PKP1: variants seen among roughly 807,000 people sequenced by gnomAD.
PKP1 encodes the protein plakophilin-1.
Under a neutral mutation model 76.4 loss-of-function variants are expected in PKP1, and 27 were observed. That is an observed-to-expected ratio of 0.35 (90% confidence interval 0.26 to 0.49). The LOEUF (loss-of-function observed/expected upper bound fraction) is 0.49. Ranked by LOEUF, PKP1 falls within the 20% of genes least tolerant of loss-of-function variation. The pLI is 0.99. For synonymous variants in PKP1, 404 were observed against 384.2 expected (o/e 1.05, Z -0.60); for missense variants, 964 against 955.2 (o/e 1.01, Z -0.12).
At chr1:201,310,033 C>G (rs1656494510) in intron 2 of PKP1, among the ~76,000 whole-genome samples, 1 of 152,196 alleles carries the variant, frequency 6.6e-6, no homozygotes, top group African/African-American at 2.4e-5. Context: ...GCACGGGGCT[C>G]TGATACTGGT....
chr1:201,318,786 G>C lies in PKP1; in HGVS notation c.1223G>C (p.Gly408Ala). 1 of 1,602,428 alleles carries C rather than the reference G, an allele frequency of 6.2e-7. No individual in the cohort carries two copies. The highest frequency in any genetic ancestry group is 8.5e-7 in the Non-Finnish European group (1 of 1,175,096). ...CCTGAGGTCTTCTTCAATGCCACAG[G>C]CTGCTTGAGGTGAGAGAAGAGGATA... ...VDPEVFFNATGCLRNLSSADA... is the reference protein window; with the variant it reads ...VDPEVFFNATACLRNLSSADA... Residue 408 changes from glycine to alanine, a missense_variant, in exon 6 of 14, where the codon GGC becomes GCC. Transcript: ENST00000367324.
chr1:201,317,215 T>C (rs2102177773), intron 4 of PKP1, among the ~76,000 whole-genome samples: 1 of 152,310 alleles, frequency 6.6e-6, no homozygotes, highest in Non-Finnish European at 1.5e-5. Context: ...CATTTCTATG[T>C]CTGTGTTCTG....
chr1:201,303,039 T>C (rs913462004), intron 2 of PKP1, among the ~76,000 whole-genome samples: 3 of 152,250 alleles, frequency 2.0e-5, no homozygotes, highest in African/African-American at 7.2e-5. Context: ...TGGCACATCA[T>C]GGTACTTTTG....
intron 1 of PKP1, among the ~76,000 whole-genome samples, chr1:201,293,304 C>G (rs860554): frequency 2.0e-5 from 3 of 152,124 alleles, no homozygotes; most frequent in Non-Finnish European, 4.4e-5. Flanking sequence ...TAATGACACT[C>G]TGTCCTCCTG....
Position 201,328,642 on chromosome 1 carries a change from A to G in PKP1, c.2107-120A>G, listed in dbSNP as rs1218411237. 4 of 837,598 alleles carry G rather than the reference A, an allele frequency of 4.8e-6. No individual in the cohort carries two copies. The Admixed American group carries it at 7.0e-5, about 15-fold the overall frequency. The allele number at this position is 837,598 out of a possible 1,614,324, so 51.9% of individuals were successfully genotyped here. The stretch of plus-strand genomic sequence containing the variant: ...AGTTTTCGCCCTGACACATGTACTT[A>G]GTGATAAGAGAGAGGCTGTGTGAGC... On this transcript the variant is annotated intron_variant, in intron 12 of 13. Transcript: ENST00000367324.
At chr1:201,319,693 G>A in intron 6 of PKP1, 1 of 938,422 alleles carries the variant, frequency 1.1e-6, no homozygotes, top group Admixed American at 1.8e-5. Context: ...CATTGCTTGG[G>A]AGTGAGCCTA....
rs1656998701 is a variant in PKP1, at chr1:201,323,091, A to G, written c.1582A>G (p.Ile528Val). ...GSGWLYHSDA[I>V]RTYLNLMGKS... ...CGGCTGGTTGTACCATTCAGATGCCATCCGCACCTACCTGAACCTCATGGG... is the reference window on the plus strand; with the variant it reads ...CGGCTGGTTGTACCATTCAGATGCCGTCCGCACCTACCTGAACCTCATGGG... The change falls in exon 9 of 14, where the codon ATC (isoleucine) becomes GTC (valine). Residue 528 changes from isoleucine to valine, a missense_variant. Physicochemically the swap from Ile to Val is conservative, Grantham distance 29 (BLOSUM62 3). Transcript: ENST00000367324. 1 of 1,614,158 alleles carries G rather than the reference A, an allele frequency of 6.2e-7. No individual in the cohort carries two copies. The highest frequency in any genetic ancestry group is 2.2e-5 in the East Asian group (1 of 44,882).
At chr1:201,318,012 G>A (rs577859692) in intron 5 of PKP1, among the ~76,000 whole-genome samples, 12 of 152,346 alleles carry the variant, frequency 7.9e-5, no homozygotes, top group Admixed American at 5.9e-4. Flanking sequence ...ATCTTTTTGA[G>A]GTTAAAGAGC....
rs377481646 is a variant in PKP1, at chr1:201,283,779, C to T, written c.77C>T (p.Pro26Leu). 1.9e-6 allele frequency: 3 copies of T among 1,614,056 alleles called. No individual in the cohort carries two copies. Among genetic ancestry groups the T allele is most frequent in the Non-Finnish European group, 2.5e-6 (3 of 1,180,014 alleles). The change falls in exon 1 of 14, where the codon CCG becomes CTG. Residue 26 changes from proline to leucine, a missense_variant. Transcript: ENST00000367324. ...CAGGACAACTCCACGTTGGCTTTGC[C>T]GTCGGACCAAAAGATGAAAACAGGC... ...QDQDNSTLAL[P>L]SDQKMKTGTS...
intron 1 of PKP1, 77 bp downstream of exon 1, chr1:201,283,981 C>T: frequency 7.5e-7 from 1 of 1,334,632 alleles, no homozygotes; most frequent in South Asian, 1.2e-5. Context: ...CCAAGAGACG[C>T]ACGCATCCCC....
Position 201,293,960 on chromosome 1 carries a change from T to G in PKP1, c.221T>G (p.Leu74Trp). Residue 74 changes from leucine (L) to tryptophan (W), a missense_variant, in exon 2 of 14, where the codon TTG (leucine) becomes TGG (tryptophan). Transcript: ENST00000367324. ...CCTCTAGGTTCCATGTATGATGGCT[T>G]GGCTGACAATTACAACTATGGGACC... is the stretch of plus-strand genomic sequence containing the variant. ...HSNRGSMYDGLADNYNYGTTS... is the reference protein window; with the variant it reads ...HSNRGSMYDGWADNYNYGTTS... 6.2e-7 allele frequency: 1 copy of G among 1,613,388 alleles called. No individual in the cohort carries two copies. The highest frequency in any genetic ancestry group is 8.5e-7 in the Non-Finnish European group (1 of 1,179,522).
chr1:201,328,425 A>G (rs1657213457), intron 12 of PKP1: 11 of 386,996 alleles, frequency 2.8e-5, no homozygotes, highest in South Asian at 2.4e-4. Context: ...CAGAGGGAAG[A>G]ACAATTGACA....
intron 3 of PKP1, among the ~76,000 whole-genome samples, chr1:201,315,656 C>T (rs1231709074): frequency 2.0e-5 from 3 of 152,138 alleles, no homozygotes; most frequent in Admixed American, 6.5e-5. Flanking sequence ...ATAGTGGAGC[C>T]GGGTTATTAG....
intron 2 of PKP1, among the ~76,000 whole-genome samples, chr1:201,296,386 T>C (rs1656069596): frequency 6.6e-6 from 1 of 152,184 alleles, no homozygotes; most frequent in Admixed American, 6.5e-5. Flanking sequence ...ATGGTACAAC[T>C]GGCACAGGAC....
chr1:201,295,883 T>C (rs1334054574), intron 2 of PKP1, among the ~76,000 whole-genome samples: 3 of 50,924 alleles, frequency 5.9e-5, no homozygotes, highest in Non-Finnish European at 1.1e-4. Context: ...AAGGTGTTTC[T>C]AAAGAAAAAA....
chr1:201,316,149 C>CGGACGGACGGATGGACGGAT (rs1558191684), intron 3 of PKP1: 1 of 124,068 alleles, frequency 8.1e-6, no homozygotes, highest in African/African-American at 4.0e-5. Context: ...GATGGACGGA[C>CGGACGGACGGATGGACGGAT]GGATGGATGG....
At chr1:201,310,430 T>A (rs1656512270) in intron 2 of PKP1, among the ~76,000 whole-genome samples, 1 of 152,188 alleles carries the variant, frequency 6.6e-6, no homozygotes. Flanking sequence ...TGACCTTGGG[T>A]CTTCCTCCAG....
chr1:201,290,819 C>A (rs1180874464), intron 1 of PKP1, among the ~76,000 whole-genome samples: 1 of 152,174 alleles, frequency 6.6e-6, no homozygotes, highest in Non-Finnish European at 1.5e-5. Context: ...GTGGTGGAGA[C>A]TTGTACGGGC....
At position 201,332,126 on chromosome 1, in the gene PKP1, G is replaced by A. The variant is rs569437745; in HGVS notation, c.*2085G>A. 3 of 152,524 alleles carry A rather than the reference G, an allele frequency of 2.0e-5. No individual in the cohort carries two copies. The highest frequency in any genetic ancestry group is 3.9e-4 in the East Asian group (2 of 5,192). 9.4% of individuals were successfully genotyped at this position (152,524 alleles called of 1,614,324 possible). On this transcript the variant is annotated 3_prime_UTR_variant, in exon 14 of 14. Transcript: ENST00000367324. ...TTGGCTTTAGGGCTCCCCCGGCTGGGGGCTGTGCAGTCCGGTCAGGGCGGG... is the reference window on the plus strand; with the variant it reads ...TTGGCTTTAGGGCTCCCCCGGCTGGAGGCTGTGCAGTCCGGTCAGGGCGGG...
Sources: allele counts gnomAD v4.1 joint callset (sites outside exome capture counted in the v4.1 genomes callset), GRCh38; gene constraint gnomAD v4.1.1; transcripts MANE v1.5; gene names NCBI Gene and HGNC (gene_info 2026-07-23, HGNC 2026-07-21).